Variants in NRP1 observed in about 807,000 individuals in gnomAD.
NRP1 encodes the protein neuropilin-1.
NRP1 carries 35 observed loss-of-function variants against 106.7 expected under a neutral mutation model. That is an observed-to-expected ratio of 0.33 (90% CI 0.25 to 0.43). The LOEUF (loss-of-function observed/expected upper bound fraction) is 0.43. NRP1 is among the 20% of genes least tolerant of loss of function. The pLI is 1.00. For synonymous variants in NRP1, 437 were observed against 417.9 expected, an observed-to-expected ratio of 1.05 and a Z score of -0.56; for missense variants, 1,024 against 1,170.4, an observed-to-expected ratio of 0.87 and a Z score of 1.83.
At chr10:33,330,435 T>C (rs955215325) in intron 2 of NRP1, among the ~76,000 whole-genome samples, 1 of 151,940 alleles carries the variant, frequency 6.6e-6, no homozygotes, top group African/African-American at 2.4e-5. Flanking sequence ...ATACATACTG[T>C]ATACATTTCT....
At chr10:33,285,993 CTAT>C (rs1844506801) in intron 2 of NRP1, among the ~76,000 whole-genome samples, 1 of 152,186 alleles carries the variant, frequency 6.6e-6, no homozygotes, top group Non-Finnish European at 1.5e-5. Context: ...GTTCCGTCAA[CTAT>C]TGTTTCTTCA....
chr10:33,194,433 T>C (rs929163914), intron 12 of NRP1: 5 of 216,330 alleles, frequency 2.3e-5, no homozygotes, highest in Non-Finnish European at 4.8e-5. Flanking sequence ...GAAAATGACA[T>C]CATCCATTCT....
At chr10:33,185,968 G>A (rs1835979542) in intron 14 of NRP1, among the ~76,000 whole-genome samples, 1 of 152,180 alleles carries the variant, frequency 6.6e-6, no homozygotes, top group African/African-American at 2.4e-5. Context: ...ATGATACATT[G>A]TGAAAGCCCA....
At chr10:33,303,451 G>A (rs1016419666) in intron 2 of NRP1, among the ~76,000 whole-genome samples, 1 of 152,070 alleles carries the variant, frequency 6.6e-6, no homozygotes, top group Non-Finnish European at 1.5e-5. Context: ...TCAATCCCAG[G>A]GGATTATAGC....
At chr10:33,190,416 A>G (rs1051616415) in intron 13 of NRP1, among the ~76,000 whole-genome samples, 1 of 152,224 alleles carries the variant, frequency 6.6e-6, no homozygotes, top group East Asian at 1.9e-4. Context: ...TTAAGATTCA[A>G]TTGAAAGTGT....
intron 2 of NRP1, among the ~76,000 whole-genome samples, chr10:33,313,239 T>G (rs1846739509): frequency 6.6e-6 from 1 of 152,188 alleles, no homozygotes; most frequent in East Asian, 1.9e-4. Context: ...ATAAAACATG[T>G]GTCTCAGTGA....
At chr10:33,236,737 T>C (rs1371496583) in intron 6 of NRP1, among the ~76,000 whole-genome samples, 1 of 152,204 alleles carries the variant, frequency 6.6e-6, no homozygotes, top group Non-Finnish European at 1.5e-5. Flanking sequence ...CTTTAAGACA[T>C]GGTAGCAGAA....
chr10:33,261,668 A>C (rs1351723291), intron 4 of NRP1, among the ~76,000 whole-genome samples: 1 of 152,206 alleles, frequency 6.6e-6, no homozygotes, highest in African/African-American at 2.4e-5. Context: ...ACTACTGAGG[A>C]ACATAGCTAA....
At chr10:33,207,444 AGGC>A in intron 10 of NRP1, 125 bp downstream of exon 10, 1 of 925,458 alleles carries the variant, frequency 1.1e-6, no homozygotes, top group Non-Finnish European at 1.6e-6. Context: ...ACTGATGGGC[AGGC>A]ACCGAGATAA....
intron 6 of NRP1, among the ~76,000 whole-genome samples, chr10:33,233,959 A>G (rs367964431): frequency 9.3e-4 from 141 of 152,296 alleles, no homozygotes; most frequent in African/African-American, 3.3e-3. Flanking sequence ...AACTCACAGT[A>G]CCTGACCATT....
At position 33,191,892 on chromosome 10, in the gene NRP1, C is replaced by T. The variant is rs141228821; in HGVS notation, c.2062+389G>A. Among the ~76,000 whole-genome samples, 648 of 144,468 alleles carry T rather than the reference C, an allele frequency of 4.5e-3. 1 individual carries two copies. Among genetic ancestry groups the T allele is most frequent in the African/African-American group, 0.014 (560 of 38,926 alleles). The allele number at this position is 144,468 out of a possible 152,430, so 94.8% of individuals were successfully genotyped here. A position where few individuals can be genotyped will look rare whatever the true frequency, so the allele number is the denominator to read the frequency against. ...ACTTGGGAGGCTGAGGCAAGAGAATCGTGTGAAGCCAGGAGGCGGAGGTTG... is the reference window on the plus strand; with the variant it reads ...ACTTGGGAGGCTGAGGCAAGAGAATTGTGTGAAGCCAGGAGGCGGAGGTTG... On this transcript the variant is annotated intron_variant, in intron 13 of 16. Transcript: ENST00000374867.
intron 6 of NRP1, among the ~76,000 whole-genome samples, chr10:33,228,878 T>C (rs1050901024): frequency 1.3e-5 from 2 of 152,226 alleles, no homozygotes; most frequent in African/African-American, 2.4e-5. Flanking sequence ...ATAATTTTAA[T>C]TTAATGAATA....
intron 1 of NRP1, among the ~76,000 whole-genome samples, chr10:33,333,064 C>T (rs80053334): frequency 0.014 from 2,184 of 152,204 alleles, 52 homozygotes; most frequent in African/African-American, 0.05. Context: ...TTCAGTTGGA[C>T]GAGAATGCTA....
chr10:33,213,310 C>T, intron 9 of NRP1, 76 bp downstream of exon 9: 2 of 1,614,168 alleles, frequency 1.2e-6, no homozygotes, highest in Non-Finnish European at 1.7e-6. Flanking sequence ...GAAGCCCTTC[C>T]TCGGGAGAAT....
chr10:33,180,514 G>A, intron 16 of NRP1, 149 bp from the exon 17 acceptor site: 1 of 786,324 alleles, frequency 1.3e-6, no homozygotes. Context: ...CAGAAGTGTG[G>A]GAGGTGGTAG....
chr10:33,239,651 T>A (rs1295337795), intron 6 of NRP1, among the ~76,000 whole-genome samples: 1 of 152,236 alleles, frequency 6.6e-6, no homozygotes, highest in Non-Finnish European at 1.5e-5. Context: ...CTGTGTGAAG[T>A]ATTCCTTTTT....
chr10:33,196,355 C>G (rs116666642), intron 12 of NRP1, among the ~76,000 whole-genome samples: 1,995 of 152,196 alleles, frequency 0.013, 48 homozygotes, highest in African/African-American at 0.046. Context: ...CTTCCCTATC[C>G]CAGAAAGGAC....
intron 6 of NRP1, among the ~76,000 whole-genome samples, chr10:33,236,551 A>G (rs1405561245): frequency 6.6e-6 from 1 of 152,218 alleles, no homozygotes; most frequent in African/African-American, 2.4e-5. Flanking sequence ...AGGCAAGAGA[A>G]ACGTTTGGGT....
intron 7 of NRP1, among the ~76,000 whole-genome samples, chr10:33,223,715 T>A (rs373351804): frequency 1.3e-5 from 2 of 152,326 alleles, no homozygotes; most frequent in East Asian, 3.9e-4. Context: ...GTGATGGCCT[T>A]TTGATTTCTG....
Sources: allele counts gnomAD v4.1 joint callset (sites outside exome capture counted in the v4.1 genomes callset), GRCh38; gene constraint gnomAD v4.1.1; transcripts MANE v1.5; gene names NCBI Gene and HGNC (gene_info 2026-07-23, HGNC 2026-07-21).